The following CD84 variants were observed in gnomAD, a reference collection of about 807,000 sequenced individuals.
CD84 encodes the protein SLAM family member 5.
A neutral mutation model predicts 33.8 loss-of-function variants in CD84; 22 were observed. That is an observed-to-expected ratio of 0.65 (90% CI 0.46 to 0.93). The LOEUF (loss-of-function observed/expected upper bound fraction) is 0.93, where lower values mean the gene tolerates loss of function less well. Ranked by LOEUF, CD84 falls within the 40% of genes least tolerant of loss-of-function variation. The pLI, the probability that CD84 is intolerant of heterozygous loss-of-function variation, is 0.00. For missense variants in CD84, 400 were observed against 397.6 expected, an observed-to-expected ratio of 1.01 and a Z score of -0.05; for synonymous variants, 154 against 145.2, an observed-to-expected ratio of 1.06 and a Z score of -0.44.
At chr1:160,565,289 T>C (rs1657248777) in intron 2 of CD84, 115 bp downstream of exon 2, 1 of 712,338 alleles carries the variant, frequency 1.4e-6, no homozygotes, top group South Asian at 1.9e-5. Context: ...TATGTAAGTA[T>C]TTATAGATAT....
chr1:160,555,603 T>A (rs547147581), intron 2 of CD84, among the ~76,000 whole-genome samples: 1 of 152,112 alleles, frequency 6.6e-6, no homozygotes, highest in Non-Finnish European at 1.5e-5. Context: ...GGAGCTGGCA[T>A]GGGGAAGCGT....
At chr1:160,562,429 G>A (rs1443554132) in intron 2 of CD84, among the ~76,000 whole-genome samples, 1 of 151,940 alleles carries the variant, frequency 6.6e-6, no homozygotes, top group Non-Finnish European at 1.5e-5. Context: ...CCACACACCA[G>A]CAATTATCAG....
Position 160,547,014 on chromosome 1 carries a change from C to T in CD84, c.*1242G>A. 5.0e-6 allele frequency: 2 copies of T among 397,636 alleles called. No individual in the cohort carries two copies. The highest frequency in any genetic ancestry group is 8.9e-6 in the Non-Finnish European group (2 of 225,676). 24.6% of individuals were successfully genotyped at this position (397,636 alleles called of 1,614,324 possible). ...TTTAGGAGTTAGCCGATTATACTTG[C>T]TAACACATAAGGGAAACACTTCCTT... is the stretch of plus-strand genomic sequence containing the variant. On this transcript the variant is annotated 3_prime_UTR_variant, in exon 7 of 7. Coordinates refer to ENST00000368054, the MANE Select transcript of CD84 (RefSeq NM_003874.4).
intron 1 of CD84, among the ~76,000 whole-genome samples, chr1:160,577,127 T>G (rs1208390836): frequency 6.6e-6 from 1 of 152,176 alleles, no homozygotes; most frequent in Non-Finnish European, 1.5e-5. Context: ...GAATTTTGAC[T>G]CAGAGAAAAC....
Position 160,576,383 on chromosome 1 carries a change from C to T in CD84, c.46+3009G>A, listed in dbSNP as rs535075557. Reference sequence around the variant, plus strand: ...CACATTTGAATAATATTAAAGTGAACGGTATTTGAAATATGTCTGGAGATG... The same window carrying T: ...CACATTTGAATAATATTAAAGTGAATGGTATTTGAAATATGTCTGGAGATG... On this transcript the variant is annotated intron_variant, in intron 1 of 6. Transcript: ENST00000368054. Among the ~76,000 whole-genome samples, 9 of 152,228 alleles carry T rather than the reference C, an allele frequency of 5.9e-5. No individual in the cohort carries two copies. The South Asian group carries it at 1.2e-3, about 21-fold the overall frequency.
chr1:160,556,165 C>A (rs1656594805), intron 2 of CD84, among the ~76,000 whole-genome samples: 1 of 152,134 alleles, frequency 6.6e-6, no homozygotes, highest in Admixed American at 6.5e-5. Context: ...AGAAGAGGAT[C>A]CCATCTCACT....
At chr1:160,568,841 G>T (rs980684775) in intron 1 of CD84, among the ~76,000 whole-genome samples, 6 of 152,062 alleles carry the variant, frequency 3.9e-5, no homozygotes, top group Non-Finnish European at 7.4e-5. Context: ...GGCTGATCTT[G>T]AACTCCTGAC....
In CD84 at chr1:160,565,699, C is replaced by G. The variant is rs758092991; in HGVS notation, c.93G>C (p.Gly31=). 2.5e-6 allele frequency: 4 copies of G among 1,613,248 alleles called. No individual in the cohort carries two copies. The South Asian group carries it at 3.3e-5, about 13-fold the overall frequency. Residue 31 remains glycine (G), a synonymous_variant, in exon 2 of 7, where the codon GGG becomes GGC. Coordinates refer to ENST00000368054, the MANE Select transcript of CD84 (RefSeq NM_003874.4). ...GKDSEIFTVN[G]ILGESVTFPV... The stretch of plus-strand genomic sequence containing the variant: ...GGAAAGTGACTGACTCTCCCAGAAT[C>G]CCATTCACTGTGAAGATTTCTGAGT...
intron 2 of CD84, among the ~76,000 whole-genome samples, chr1:160,555,707 G>T (rs1656565815): frequency 1.3e-5 from 2 of 152,190 alleles, no homozygotes; most frequent in Non-Finnish European, 2.9e-5. Flanking sequence ...GGTGGGGTTT[G>T]TTTCTTCCAC....
At chr1:160,549,818 T>A in intron 6 of CD84, 99 bp downstream of exon 6, 2 of 891,722 alleles carry the variant, frequency 2.2e-6, no homozygotes, top group Non-Finnish European at 3.8e-6. Context: ...CTACAAGGAG[T>A]CCCAGGGGAA....
chr1:160,575,459 T>C (rs1002053458), intron 1 of CD84, among the ~76,000 whole-genome samples: 1 of 151,732 alleles, frequency 6.6e-6, no homozygotes, highest in Non-Finnish European at 1.5e-5. Flanking sequence ...ATCACCTTTA[T>C]TGGGATTTAG....
At chr1:160,560,898 A>C (rs564816569) in intron 2 of CD84, among the ~76,000 whole-genome samples, 2 of 152,322 alleles carry the variant, frequency 1.3e-5, no homozygotes, top group East Asian at 3.9e-4. Flanking sequence ...AATATAGAAG[A>C]AATGGATAAA....
At position 160,548,223 on chromosome 1, in the gene CD84, T is replaced by C. The variant is rs1374071433; in HGVS notation, c.*33A>G. Reference sequence around the variant, plus strand: ...ACCTGCCAGTATTGGTGGTTGTAACTCAGTTTCCAGAGGGAGAATTCAGCC... The same window carrying C: ...ACCTGCCAGTATTGGTGGTTGTAACCCAGTTTCCAGAGGGAGAATTCAGCC... On this transcript the variant is annotated 3_prime_UTR_variant, in exon 7 of 7. Transcript: ENST00000368054. 1.9e-6 allele frequency: 3 copies of C among 1,611,922 alleles called. No homozygotes were observed. Among genetic ancestry groups the C allele is most frequent in the Admixed American group, 3.3e-5 (2 of 60,012 alleles).
chr1:160,551,228 A>G, intron 4 of CD84, 193 bp from the exon 5 acceptor site: 1 of 567,746 alleles, frequency 1.8e-6, no homozygotes, highest in East Asian at 3.1e-5. Flanking sequence ...CCCACAGGTC[A>G]ATGGGAATTC....
Position 160,565,583 on chromosome 1 carries a change from G to C in CD84, c.209C>G (p.Thr70Arg). The C allele has an allele frequency of 1.2e-6, 2 of 1,613,998 alleles. No homozygotes were observed. Among genetic ancestry groups the C allele is most frequent in the Non-Finnish European group, 1.7e-6 (2 of 1,179,922 alleles). ...GTGGGTCACAGTAACTACGGGTGCT[G>C]TTTCTGAGTCTCCTGGTGTTACATA... The part of the protein sequence containing the change: ...VAYVTPGDSE[T>R]APVVTVTHRN... The change falls in exon 2 of 7, where the codon ACA (threonine) becomes AGA (arginine). Residue 70 changes from threonine to arginine, a missense_variant. Transcript: ENST00000368054.
At chr1:160,553,837 T>C in intron 3 of CD84, 58 bp downstream of exon 3, 1 of 1,612,968 alleles carries the variant, frequency 6.2e-7, no homozygotes, top group Non-Finnish European at 8.5e-7. Context: ...GTTCAGACCT[T>C]GCAGCTCCTC....
chr1:160,545,031 C>G lies in CD84; in HGVS notation c.*3225G>C, dbSNP rs1655743122. On this transcript the variant is annotated 3_prime_UTR_variant, in exon 7 of 7. Transcript: ENST00000368054. ...GTGGAGGGGAAAATAAGATCACATG[C>G]ATTTTACAGAAGGAAAATCTAAGAA... The G allele has an allele frequency of 6.6e-6, 1 of 152,132 alleles. No homozygotes were observed. Among genetic ancestry groups the G allele is most frequent in the South Asian group, 2.1e-4 (1 of 4,832 alleles). 9.4% of individuals were successfully genotyped at this position (152,132 alleles called of 1,614,324 possible). A position where few individuals can be genotyped will look rare whatever the true frequency, so the allele number is the denominator to read the frequency against.
intron 3 of CD84, 84 bp from the exon 4 acceptor site, chr1:160,553,581 T>A: frequency 2.0e-6 from 3 of 1,508,530 alleles, no homozygotes; most frequent in Non-Finnish European, 2.8e-6. Flanking sequence ...TCAGGGGCAT[T>A]ATGAAAATTG....
At chr1:160,565,868 A>G in intron 1 of CD84, 123 bp from the exon 2 acceptor site, 1 of 714,174 alleles carries the variant, frequency 1.4e-6, no homozygotes. Context: ...TTTCTTGAGG[A>G]TGCCTTTTTT....
Sources: gnomAD v4.1 joint callset for allele counts (sites outside exome capture counted in the v4.1 genomes callset) on GRCh38, gnomAD v4.1.1 for gene constraint, MANE v1.5 for transcripts, NCBI Gene and HGNC (gene_info 2026-07-23, HGNC 2026-07-21) for gene names.